Variants in TPTE2 observed in about 807,000 individuals in gnomAD.
TPTE2 encodes phosphatidylinositol 3,4,5-trisphosphate 3-phosphatase TPTE2.
Under a neutral mutation model 78.6 loss-of-function variants are expected in TPTE2, and 53 were observed. That is an observed-to-expected ratio of 0.67 (90% CI 0.54 to 0.85). The LOEUF (loss-of-function observed/expected upper bound fraction) is 0.85. Ranked by LOEUF, TPTE2 falls within the 40% of genes least tolerant of loss-of-function variation. The probability of loss-of-function intolerance (pLI) is 0.00; values close to 1 mark genes in which losing one functional copy is unlikely to be tolerated. For missense variants in TPTE2, 461 were observed against 623.0 expected (o/e 0.74, Z 2.77); for synonymous variants, 175 against 206.2 (o/e 0.85, Z 1.30).
intron 16 of TPTE2, among the ~76,000 whole-genome samples, chr13:19,430,799 G>C (rs907465143): frequency 2.0e-5 from 3 of 152,136 alleles, no homozygotes; most frequent in Admixed American, 6.5e-5. Flanking sequence ...CCAAGACTTA[G>C]AATCCCATCA....
At chr13:19,457,325 A>G (rs1183125605) in intron 10 of TPTE2, among the ~76,000 whole-genome samples, 6 of 152,216 alleles carry the variant, frequency 3.9e-5, no homozygotes, top group Non-Finnish European at 8.8e-5. Flanking sequence ...TATAATGTAT[A>G]CGTATGTACA....
intron 13 of TPTE2, among the ~76,000 whole-genome samples, chr13:19,443,397 C>CTTTTTTTTTTTTTTTTTTCTTTTT (rs71092357): frequency 7.7e-6 from 1 of 129,914 alleles, no homozygotes; most frequent in Admixed American, 8.1e-5. Flanking sequence ...TTCTTTCTTT[C>CTTTTTTTTTTTTTTTTTTCTTTTT]TTTTTTTTTT....
chr13:19,465,937 T>C (rs1386915181), intron 7 of TPTE2, among the ~76,000 whole-genome samples: 1 of 152,234 alleles, frequency 6.6e-6, no homozygotes, highest in Non-Finnish European at 1.5e-5. Flanking sequence ...CATTTGTAAA[T>C]TTAATTTTGG....
chr13:19,548,026 CATT>C, the TPTE2 span, among the ~76,000 whole-genome samples: 1 of 151,802 alleles, frequency 6.6e-6, no homozygotes, highest in Non-Finnish European at 1.5e-5. Context: ...GATAGTGAAA[CATT>C]AAACATAAGA....
intron 17 of TPTE2, among the ~76,000 whole-genome samples, chr13:19,427,297 A>C (rs902606642): frequency 3.3e-5 from 5 of 150,496 alleles, no homozygotes; most frequent in Admixed American, 6.6e-5. Context: ...GTTGGCCAGA[A>C]TGGTCTCGAT....
chr13:19,560,684 G>T, the TPTE2 span: 43 of 1,513,782 alleles, frequency 2.8e-5, no homozygotes, highest in Non-Finnish European at 3.5e-5. Flanking sequence ...ACCACCATTA[G>T]ATGAGACACC....
chr13:19,553,576 C>T, the TPTE2 span, among the ~76,000 whole-genome samples: 1 of 152,024 alleles, frequency 6.6e-6, no homozygotes. Flanking sequence ...TGAATAAGTA[C>T]AAAAATGTGA....
At chr13:19,540,821 G>T (rs907719375), upstream of TPTE2, among the ~76,000 whole-genome samples, 3 of 152,112 alleles carry the variant, frequency 2.0e-5, no homozygotes, top group Non-Finnish European at 4.4e-5. Flanking sequence ...TAATTCTTAT[G>T]ATTTAACCAT....
intron 6 of TPTE2, among the ~76,000 whole-genome samples, chr13:19,470,404 C>T (rs1456935435): frequency 6.6e-6 from 1 of 152,066 alleles, no homozygotes; most frequent in African/African-American, 2.4e-5. Flanking sequence ...ATGATCTTTC[C>T]CATATATTGT....
chr13:19,463,828 G>C (rs1489058751), intron 10 of TPTE2, among the ~76,000 whole-genome samples: 1 of 152,106 alleles, frequency 6.6e-6, no homozygotes, highest in Non-Finnish European at 1.5e-5. Flanking sequence ...GGCTTTTCTT[G>C]GTATGAGAGC....
intron 14 of TPTE2, among the ~76,000 whole-genome samples, chr13:19,437,325 G>C (rs929298980): frequency 6.6e-6 from 1 of 152,084 alleles, no homozygotes; most frequent in African/African-American, 2.4e-5. Context: ...CAAACAACTC[G>C]AGCAGAGCTG....
At chr13:19,499,977 A>C (rs7983458) in intron 1 of TPTE2, among the ~76,000 whole-genome samples, 3,591 of 145,390 alleles carry the variant, frequency 0.025, 94 homozygotes, top group Middle Eastern at 0.05. Flanking sequence ...TATCACCACC[A>C]ATCCCACAGA....
intron 10 of TPTE2, among the ~76,000 whole-genome samples, chr13:19,459,382 G>A (rs935111848): frequency 6.6e-5 from 10 of 152,112 alleles, no homozygotes; most frequent in Non-Finnish European, 1.2e-4. Context: ...TCATCCCAGG[G>A]GGATACTGAC....
the TPTE2 span, among the ~76,000 whole-genome samples, chr13:19,558,804 G>A: frequency 4.1e-4 from 62 of 152,232 alleles, no homozygotes; most frequent in African/African-American, 1.4e-3. Flanking sequence ...AAAGATAAAC[G>A]TATTTAAAAT....
chr13:19,540,280 C>CATTATTATTATTATT (rs141067657), upstream of TPTE2, among the ~76,000 whole-genome samples: 555 of 145,060 alleles, frequency 3.8e-3, 3 homozygotes, highest in African/African-American at 0.013. Flanking sequence ...AATTAAATCT[C>CATTATTATTATTATT]ATTATTATTA....
At chr13:19,532,170 G>A (rs1164836669) in intron 1 of TPTE2, among the ~76,000 whole-genome samples, 1 of 152,302 alleles carries the variant, frequency 6.6e-6, no homozygotes, top group Admixed American at 6.5e-5. Context: ...CAGGTCTCCT[G>A]CAGGGAAGGA....
the TPTE2 span, among the ~76,000 whole-genome samples, chr13:19,553,942 C>A: frequency 6.6e-6 from 1 of 152,130 alleles, no homozygotes; most frequent in South Asian, 2.1e-4. Flanking sequence ...ACAAATTATA[C>A]CTTAATAAAG....
chr13:19,496,987 G>C (rs1376329480), intron 1 of TPTE2, among the ~76,000 whole-genome samples: 3 of 152,212 alleles, frequency 2.0e-5, no homozygotes, highest in Non-Finnish European at 4.4e-5. Context: ...CCTCACTTGG[G>C]AAGTGCAAGG....
the TPTE2 span, among the ~76,000 whole-genome samples, chr13:19,544,232 A>G: frequency 2.0e-5 from 3 of 152,224 alleles, no homozygotes; most frequent in African/African-American, 7.2e-5. Flanking sequence ...TAAGAAATTC[A>G]CCTTAAACAC....
Sources: allele counts gnomAD v4.1 joint callset (sites outside exome capture counted in the v4.1 genomes callset), GRCh38; gene constraint gnomAD v4.1.1; transcripts MANE v1.5; gene names NCBI Gene and HGNC (gene_info 2026-07-23, HGNC 2026-07-21).